CELF2: variants seen among roughly 807,000 people sequenced by gnomAD.
The protein encoded by CELF2 is CUGBP Elav-like family member 2.
CELF2 carries 8 observed loss-of-function variants against 62.6 expected under a neutral mutation model. The observed-to-expected ratio is 0.13, with a 90% CI of 0.07 to 0.23. The LOEUF (loss-of-function observed/expected upper bound fraction) is 0.23. Among genes scored for constraint, CELF2 ranks in the 10% least tolerant of loss-of-function variants. CELF2 has a pLI of 1.00. For missense variants in CELF2, 333 were observed against 671.0 expected, an observed-to-expected ratio of 0.50 and a Z score of 5.56; for synonymous variants, 258 against 250.0, an observed-to-expected ratio of 1.03 and a Z score of -0.30.
rs1384985546 is a variant in CELF2 at position 11,330,148 on chromosome 10, A to G, written c.*1095A>G. 1 of 152,542 alleles carries G rather than the reference A, an allele frequency of 6.6e-6. No individual in the cohort carries two copies. Among genetic ancestry groups the G allele is most frequent in the Non-Finnish European group, 1.5e-5 (1 of 68,020 alleles). The allele number at this position is 152,542 out of a possible 1,614,324, so 9.4% of individuals were successfully genotyped here. A position where few individuals can be genotyped will look rare whatever the true frequency, so the allele number is the denominator to read the frequency against. On this transcript the variant is annotated 3_prime_UTR_variant, in exon 13 of 13. Transcript: ENST00000633077. This position sits in a 1 kb window ranked among gnomAD's most constrained non-coding sequence, Gnocchi z 4.5. ...GATTATTTTGTTTGTAACTTCCATT[A>G]TCTAGTTTACAGTTCAGTCGTCTGA... is the stretch of plus-strand genomic sequence containing the variant.
chr10:11,287,783 C>A (rs1253748021), intron 8 of CELF2, among the ~76,000 whole-genome samples: 1 of 152,182 alleles, frequency 6.6e-6, no homozygotes, highest in Non-Finnish European at 1.5e-5. Context: ...AACGTTGTGC[C>A]AAAGTAATTT....
the CELF2 span, among the ~76,000 whole-genome samples, chr10:10,601,566 A>G: frequency 6.6e-6 from 1 of 152,184 alleles, no homozygotes; most frequent in African/African-American, 2.4e-5. Flanking sequence ...TCTTCAAAAC[A>G]TCCTGTCTCT....
chr10:11,282,181 C>T (rs2089144748), intron 8 of CELF2, among the ~76,000 whole-genome samples: 1 of 152,162 alleles, frequency 6.6e-6, no homozygotes, highest in African/African-American at 2.4e-5. Flanking sequence ...CTCCCTATCC[C>T]TTCTAAACTT....
At chr10:11,138,163 T>TAAGATTCC in intron 1 of CELF2, among the ~76,000 whole-genome samples, 2 of 152,202 alleles carry the variant, frequency 1.3e-5, no homozygotes, top group Non-Finnish European at 2.9e-5. Context: ...GGAAACAGAA[T>TAAGATTCC]ATAGCAATTT....
rs536711104 is a variant in CELF2, at chr10:11,084,252, C to T, written c.74+66089C>T. ...TGCCAGATATGGTGGTGGAAACAAA[C>T]GCAAGTGAATATGCGGCTCTTGTGT... On this transcript the variant is annotated intron_variant, in intron 1 of 12. Transcript: ENST00000633077. Among the ~76,000 whole-genome samples the T allele has an allele frequency of 1.7e-4, 26 of 152,274 alleles. 1 individual carries two copies. In the East Asian group the frequency reaches 3.5e-3, roughly 20 times the overall value.
intron 1 of CELF2, among the ~76,000 whole-genome samples, chr10:11,031,209 T>C (rs2060059458): frequency 6.6e-6 from 1 of 152,216 alleles, no homozygotes; most frequent in Non-Finnish European, 1.5e-5. Context: ...TTATGCAGTA[T>C]CCTTTCTACA....
the CELF2 span, among the ~76,000 whole-genome samples, chr10:10,684,085 C>G: frequency 6.6e-6 from 1 of 152,130 alleles, no homozygotes; most frequent in South Asian, 2.1e-4. Context: ...TATGTTACAA[C>G]CTTTACATAT....
intron 1 of CELF2, among the ~76,000 whole-genome samples, chr10:10,848,874 C>T (rs2059187493): frequency 6.6e-6 from 1 of 152,102 alleles, no homozygotes; most frequent in South Asian, 2.1e-4. Flanking sequence ...GATTTGAGTC[C>T]CATGTCGAAG....
At chr10:11,111,654 C>T (rs1023790361) in intron 1 of CELF2, among the ~76,000 whole-genome samples, 6 of 152,048 alleles carry the variant, frequency 3.9e-5, no homozygotes, top group South Asian at 2.1e-4. Context: ...ACATAGGCAA[C>T]GTGCCCTATG....
chr10:11,016,195 A>G (rs1330121268), upstream of CELF2, among the ~76,000 whole-genome samples: 1 of 152,232 alleles, frequency 6.6e-6, no homozygotes, highest in African/African-American at 2.4e-5. This position sits in a 1 kb window ranked among gnomAD's most constrained non-coding sequence, Gnocchi z 5.2. Context: ...AAAATCCTGT[A>G]ATTTCAAAGG....
chr10:11,226,716 C>G (rs2066750296), intron 3 of CELF2, among the ~76,000 whole-genome samples: 1 of 152,108 alleles, frequency 6.6e-6, no homozygotes, highest in African/African-American at 2.4e-5. Flanking sequence ...AGCCATGTTC[C>G]CTTGCACAGG....
At chr10:10,688,095 C>A in the CELF2 span, among the ~76,000 whole-genome samples, 1 of 152,220 alleles carries the variant, frequency 6.6e-6, no homozygotes, top group Admixed American at 6.5e-5. Flanking sequence ...TTACAAGAAT[C>A]TGTTTTGTTA....
At chr10:10,743,868 A>C in the CELF2 span, among the ~76,000 whole-genome samples, 1 of 151,766 alleles carries the variant, frequency 6.6e-6, no homozygotes, top group Admixed American at 6.6e-5. Flanking sequence ...TTCTAGAAAC[A>C]CATATCGATA....
At chr10:10,468,391 C>G in the CELF2 span, among the ~76,000 whole-genome samples, 2 of 151,980 alleles carry the variant, frequency 1.3e-5, no homozygotes, top group East Asian at 1.9e-4. Flanking sequence ...TGTACTTTGT[C>G]TTCACGATCA....
intron 1 of CELF2, among the ~76,000 whole-genome samples, chr10:10,876,893 T>C (rs1184959670): frequency 6.6e-6 from 1 of 152,224 alleles, no homozygotes; most frequent in Admixed American, 6.5e-5. Context: ...CATGTGTGTT[T>C]GTGTGCAACA....
chr10:10,924,724 C>CTTTTTTTTTTTTTTTTTTTT lies in CELF2; in HGVS notation c.89+4743_89+4744insTTTTTTTTTTTTTTTTTTTT, dbSNP rs745848953. 3.5e-4 allele frequency among the ~76,000 whole-genome samples: 31 copies of CTTTTTTTTTTTTTTTTTTTT among 89,142 alleles called. 5 individuals carry two copies. The highest frequency in any genetic ancestry group is 1.1e-3 in the African/African-American group (24 of 21,138). 58.5% of individuals were successfully genotyped at this position (89,142 alleles called of 152,430 possible). On this transcript the variant is annotated intron_variant, in intron 2 of 13. Transcript: ENST00000636488. ...GTATATTAATCCAGTAACTTGATCG[C>CTTTTTTTTTTTTTTTTTTTT]TTTTTTTTTTTTTTTTTTGCCTTCT...
Position 11,232,185 on chromosome 10 carries a change from T to C in CELF2, c.354+14678T>C, listed in dbSNP as rs190811075. On this transcript the variant is annotated intron_variant, in intron 3 of 12. Transcript: ENST00000633077. ...AGGCCCCGGTGTGTGATGTTCCCCT[T>C]CCTGTGTCCATGTGTTCTCATTGTT... Among the ~76,000 whole-genome samples, 278 of 152,212 alleles carry C rather than the reference T, an allele frequency of 1.8e-3. 1 individual carries two copies. The highest frequency in any genetic ancestry group is 6.4e-3 in the African/African-American group (267 of 41,526).
At chr10:10,545,628 G>T in the CELF2 span, among the ~76,000 whole-genome samples, 1 of 151,932 alleles carries the variant, frequency 6.6e-6, no homozygotes. Flanking sequence ...TATCTTATTG[G>T]GTTGCTATTA....
chr10:11,074,440 T>C (rs973518254), intron 1 of CELF2, among the ~76,000 whole-genome samples: 1 of 152,224 alleles, frequency 6.6e-6, no homozygotes, highest in African/African-American at 2.4e-5. Flanking sequence ...ATTTCATCAC[T>C]GAATTGAACC....
Sources: allele counts gnomAD v4.1 joint callset (sites outside exome capture counted in the v4.1 genomes callset), GRCh38; gene constraint gnomAD v4.1.1; non-coding constraint Gnocchi (gnomAD v3.1); transcripts MANE v1.5; gene names NCBI Gene and HGNC (gene_info 2026-07-23, HGNC 2026-07-21).